FAM168A: variants seen among roughly 807,000 people sequenced by gnomAD.
The protein encoded by FAM168A is protein FAM168A.
Under a neutral mutation model 28.5 loss-of-function variants are expected in FAM168A, and 3 were observed. The ratio of observed to expected loss-of-function variants is 0.11; its 90% confidence interval spans 0.05 to 0.27. The LOEUF (loss-of-function observed/expected upper bound fraction) is 0.27, where lower values mean the gene tolerates loss of function less well. Among genes scored for constraint, FAM168A ranks in the 10% least tolerant of loss-of-function variants. The pLI, the probability that FAM168A is intolerant of heterozygous loss-of-function variation, is 1.00. For missense variants in FAM168A, 222 were observed against 311.5 expected (o/e 0.71, Z 2.16); for synonymous variants, 122 against 124.2 (o/e 0.98, Z 0.12).
intron 7 of FAM168A, among the ~76,000 whole-genome samples, chr11:73,407,097 TA>T (rs1363388720): frequency 2.6e-5 from 4 of 152,186 alleles, no homozygotes; most frequent in Non-Finnish European, 4.4e-5. Context: ...ATGGGGCCCA[TA>T]GTTAAAAGAA....
intron 1 of FAM168A, among the ~76,000 whole-genome samples, chr11:73,507,259 C>G (rs1288115341): frequency 1.3e-5 from 2 of 152,162 alleles, no homozygotes; most frequent in Non-Finnish European, 2.9e-5. Flanking sequence ...TCTTATTTTT[C>G]TTTGCCTCCC....
chr11:73,502,049 T>G (rs1466238423), intron 1 of FAM168A, among the ~76,000 whole-genome samples: 1 of 144,314 alleles, frequency 6.9e-6, no homozygotes, highest in Non-Finnish European at 1.5e-5. Flanking sequence ...TGCAGTGAGC[T>G]GAGATTGCAC....
At chr11:73,577,947 G>C (rs950234955) in intron 1 of FAM168A, among the ~76,000 whole-genome samples, 1 of 152,156 alleles carries the variant, frequency 6.6e-6, no homozygotes, top group African/African-American at 2.4e-5. Flanking sequence ...CAAAAACACT[G>C]GAAGCCCATT....
chr11:73,494,005 T>C (rs1281879945), intron 1 of FAM168A, among the ~76,000 whole-genome samples: 1 of 152,202 alleles, frequency 6.6e-6, no homozygotes, highest in African/African-American at 2.4e-5. Flanking sequence ...GCTTCCCTCC[T>C]GGACTATGAG....
At chr11:73,471,342 C>CA (rs1286031261) in intron 1 of FAM168A, among the ~76,000 whole-genome samples, 5 of 151,670 alleles carry the variant, frequency 3.3e-5, no homozygotes, top group Non-Finnish European at 7.4e-5. Context: ...GGGAAAAAAA[C>CA]AAAAAACATA....
At chr11:73,477,415 G>T (rs1486270632) in intron 1 of FAM168A, among the ~76,000 whole-genome samples, 1 of 150,912 alleles carries the variant, frequency 6.6e-6, no homozygotes, top group African/African-American at 2.4e-5. Flanking sequence ...GAAAAAAAAA[G>T]AAGATATAAT....
chr11:73,534,464 G>A (rs371190478), intron 1 of FAM168A, among the ~76,000 whole-genome samples: 37 of 150,338 alleles, frequency 2.5e-4, no homozygotes, highest in African/African-American at 8.4e-4. Flanking sequence ...GCGCAATGGT[G>A]CGATCGCAGT....
chr11:73,442,020 C>T, intron 2 of FAM168A, among the ~76,000 whole-genome samples: 1 of 151,862 alleles, frequency 6.6e-6, no homozygotes, highest in East Asian at 1.9e-4. Context: ...TCACTGATTT[C>T]TTTATCATGT....
chr11:73,462,705 G>A (rs926703672), intron 2 of FAM168A, among the ~76,000 whole-genome samples: 21 of 150,660 alleles, frequency 1.4e-4, no homozygotes, highest in African/African-American at 5.0e-4. Flanking sequence ...GTGAAACCCC[G>A]TCTCTACCAA....
At chr11:73,421,030 CGAA>C (rs2134497301) in intron 3 of FAM168A, 1 of 140,344 alleles carries the variant, frequency 7.1e-6, no homozygotes, top group Non-Finnish European at 1.5e-5. Flanking sequence ...TATGGTAAAA[CGAA>C]GAATTTTAGC....
At chr11:73,492,549 G>A (rs1350118373) in intron 1 of FAM168A, among the ~76,000 whole-genome samples, 1 of 152,170 alleles carries the variant, frequency 6.6e-6, no homozygotes, top group Admixed American at 6.5e-5. Flanking sequence ...GGCTGAGGCA[G>A]GAGGATTGCT....
At chr11:73,525,522 A>C (rs1943437188) in intron 1 of FAM168A, among the ~76,000 whole-genome samples, 1 of 152,174 alleles carries the variant, frequency 6.6e-6, no homozygotes, top group Non-Finnish European at 1.5e-5. Context: ...ATTTCTCCAG[A>C]AAATAAACCT....
intron 1 of FAM168A, among the ~76,000 whole-genome samples, chr11:73,498,919 C>T (rs1854946433): frequency 6.6e-6 from 1 of 152,222 alleles, no homozygotes; most frequent in South Asian, 2.1e-4. Context: ...TTTGGACCAG[C>T]AGGCTTAGCC....
chr11:73,472,717 T>C (rs983191034), intron 1 of FAM168A, among the ~76,000 whole-genome samples: 2 of 152,194 alleles, frequency 1.3e-5, no homozygotes, highest in Non-Finnish European at 1.5e-5. Context: ...ATGTTTTTTA[T>C]ATATTTTGAA....
In FAM168A at chr11:73,581,250, G is replaced by A. The variant is rs117634144; in HGVS notation, c.-19+16673C>T. ...TTGAAAGTTGTTGTATACTGTTAAC[G>A]ATTGTCTGCACATGTCCTGTCTGAA... On this transcript the variant is annotated intron_variant, in intron 1 of 7. Transcript: ENST00000356467. Among the ~76,000 whole-genome samples, 1,165 of 152,288 alleles carry A rather than the reference G, an allele frequency of 7.6e-3. 12 individuals are homozygous for A. The highest frequency in any genetic ancestry group is 0.02 in the Middle Eastern group (6 of 294).
chr11:73,570,028 G>A (rs369374984), intron 1 of FAM168A, among the ~76,000 whole-genome samples: 9 of 152,098 alleles, frequency 5.9e-5, no homozygotes, highest in African/African-American at 1.9e-4. Flanking sequence ...CCTATAGAAT[G>A]GATATGAAAA....
At chr11:73,481,409 A>T (rs1308641128) in intron 1 of FAM168A, among the ~76,000 whole-genome samples, 1 of 152,218 alleles carries the variant, frequency 6.6e-6, no homozygotes, top group Non-Finnish European at 1.5e-5. Context: ...AGGGTTTCAC[A>T]ACCACATCAC....
At chr11:73,438,224 AAT>A (rs1340624565) in intron 2 of FAM168A, among the ~76,000 whole-genome samples, 1 of 152,224 alleles carries the variant, frequency 6.6e-6, no homozygotes, top group African/African-American at 2.4e-5. Flanking sequence ...ATGGGAAAAT[AAT>A]ATAGTTATTT....
intron 1 of FAM168A, among the ~76,000 whole-genome samples, chr11:73,545,476 A>G (rs1943735241): frequency 1.3e-5 from 2 of 152,052 alleles, no homozygotes; most frequent in Non-Finnish European, 2.9e-5. Context: ...TAAAGGGTAC[A>G]AGTTTCCAAT....
Sources: gnomAD v4.1 joint callset for allele counts (sites outside exome capture counted in the v4.1 genomes callset) on GRCh38, gnomAD v4.1.1 for gene constraint, MANE v1.5 for transcripts, NCBI Gene and HGNC (gene_info 2026-07-23, HGNC 2026-07-21) for gene names.